The following NMRK1 variants were observed in gnomAD, a reference collection of about 807,000 sequenced individuals.
NMRK1 encodes the protein NRK 1.
Under a neutral mutation model 29.9 loss-of-function variants are expected in NMRK1, and 28 were observed. That is an observed-to-expected ratio of 0.94 (90% CI 0.69 to 1.28). The LOEUF (loss-of-function observed/expected upper bound fraction) is 1.28. NMRK1 is among the 50% of genes most tolerant of loss of function. NMRK1 has a pLI of 0.00. For synonymous variants in NMRK1, 58 were observed against 73.0 expected (o/e 0.79, Z 1.05); for missense variants, 218 against 233.1 (o/e 0.94, Z 0.42).
At chr9:75,080,222 G>C (rs1440431930) in intron 2 of NMRK1, among the ~76,000 whole-genome samples, 2 of 152,240 alleles carry the variant, frequency 1.3e-5, no homozygotes, top group Non-Finnish European at 2.9e-5. Context: ...TTAAGTAATG[G>C]AGATGGGAAA....
At chr9:75,071,731 T>C (rs1429778444) in intron 4 of NMRK1, among the ~76,000 whole-genome samples, 1 of 152,140 alleles carries the variant, frequency 6.6e-6, no homozygotes, top group Admixed American at 6.6e-5. Flanking sequence ...AGTTGGTCCA[T>C]TGTGAGAAGA....
intron 2 of NMRK1, among the ~76,000 whole-genome samples, chr9:75,080,577 A>G (rs1260989637): frequency 6.6e-6 from 1 of 152,126 alleles, no homozygotes; most frequent in Admixed American, 6.5e-5. Flanking sequence ...GCTTGAACCC[A>G]GGAGGCGGAG....
chr9:75,069,096 C>T lies in NMRK1; in HGVS notation c.396G>A (p.Arg132=). 6.2e-7 allele frequency: 1 copy of T among 1,609,392 alleles called. No individual in the cohort carries two copies. The highest frequency in any genetic ancestry group is 8.5e-7 in the Non-Finnish European group (1 of 1,176,648). ...CCGGAGAGTCTGGAGGCTGATAGACCCTTGTACTATCAAAACACGTAGGAA... is the reference window on the plus strand; with the variant it reads ...CCGGAGAGTCTGGAGGCTGATAGACTCTTGTACTATCAAAACACGTAGGAA... ...YEECKRRRST[R]VYQPPDSPGY... is the part of the protein sequence containing the mutation. Residue 132 remains arginine, a synonymous_variant, in exon 7 of 9, where the codon AGG becomes AGA. Transcript: ENST00000361092.
intron 1 of NMRK1, among the ~76,000 whole-genome samples, chr9:75,084,445 G>C (rs998791014): frequency 2.0e-5 from 3 of 152,136 alleles, no homozygotes; most frequent in Non-Finnish European, 2.9e-5. Context: ...TTAAGACTGG[G>C]GTCCACTTCC....
In NMRK1 at chr9:75,069,067, T is replaced by G; in HGVS notation, c.425A>C (p.Tyr142Ser). The G allele has an allele frequency of 6.2e-7, 1 of 1,614,156 alleles. No individual in the cohort carries two copies. Among genetic ancestry groups the G allele is most frequent in the Non-Finnish European group, 8.5e-7 (1 of 1,179,980 alleles). Residue 142 changes from tyrosine to serine, a missense_variant, in exon 7 of 9, where the codon TAC becomes TCC. Physicochemically the swap from Tyr to Ser is moderately radical, Grantham distance 144. Coordinates refer to ENST00000361092, the MANE Select transcript of NMRK1 (RefSeq NM_017881.3). ...RVYQPPDSPG[Y>S]FDGHVWPMYL... ...CATGGGCCACACATGGCCATCAAAG[T>G]ATCCCGGAGAGTCTGGAGGCTGATA...
intron 4 of NMRK1, among the ~76,000 whole-genome samples, chr9:75,075,219 T>A (rs1051612758): frequency 2.0e-5 from 3 of 152,248 alleles, no homozygotes; most frequent in Non-Finnish European, 2.9e-5. Flanking sequence ...TTAGTTTTTC[T>A]TATCAGTTTG....
Position 75,078,311 on chromosome 9 carries a change from T to A in NMRK1, c.30-731A>T, listed in dbSNP as rs537002535. 4 of 1,562,176 alleles carry A rather than the reference T, an allele frequency of 2.6e-6. No individual in the cohort carries two copies. The South Asian group carries it at 4.7e-5, about 18-fold the overall frequency. ...TGGAAAAAACAGAGGAGTGGCTTAT[T>A]ACAAGCCCACCTACCATGAAATCAC... On this transcript the variant is annotated intron_variant, in intron 2 of 8. Coordinates refer to ENST00000361092, the MANE Select transcript of NMRK1 (RefSeq NM_017881.3).
At chr9:75,084,718 A>G (rs1824517299) in intron 1 of NMRK1, among the ~76,000 whole-genome samples, 1 of 152,188 alleles carries the variant, frequency 6.6e-6, no homozygotes, top group Non-Finnish European at 1.5e-5. Context: ...TGAGCCTACA[A>G]GGTGGGGGTA....
At chr9:75,077,449 T>C in intron 3 of NMRK1, 41 bp downstream of exon 3, 1 of 1,342,360 alleles carries the variant, frequency 7.4e-7, no homozygotes, top group African/African-American at 1.5e-5. Context: ...TGGTTAAACA[T>C]TTTTGTATTA....
At chr9:75,064,064 C>T (rs982975793) in intron 8 of NMRK1, among the ~76,000 whole-genome samples, 1 of 151,978 alleles carries the variant, frequency 6.6e-6, no homozygotes, top group African/African-American at 2.4e-5. Context: ...AGGGGCGTCA[C>T]AACACAGGGA....
chr9:75,074,358 T>C (rs1179328290), intron 4 of NMRK1, among the ~76,000 whole-genome samples: 2 of 152,066 alleles, frequency 1.3e-5, no homozygotes, highest in Non-Finnish European at 2.9e-5. Context: ...ATCATCTTAC[T>C]ATTATTTTCT....
chr9:75,067,811 C>T (rs1225708623), intron 7 of NMRK1, among the ~76,000 whole-genome samples: 2 of 152,208 alleles, frequency 1.3e-5, no homozygotes, highest in East Asian at 1.9e-4. Flanking sequence ...TTCCACATGG[C>T]TCTGACATAG....
intron 8 of NMRK1, among the ~76,000 whole-genome samples, chr9:75,062,731 T>C (rs994109120): frequency 2.0e-5 from 3 of 152,194 alleles, no homozygotes; most frequent in African/African-American, 7.2e-5. Context: ...CCTTTTGCTT[T>C]CTATTAAACA....
At position 75,061,503 on chromosome 9, in the gene NMRK1, G is replaced by T. The variant is rs192062728; in HGVS notation, c.*45C>A. 2.0e-6 allele frequency: 3 copies of T among 1,521,406 alleles called. No individual in the cohort carries two copies. The highest frequency in any genetic ancestry group is 2.7e-6 in the Non-Finnish European group (3 of 1,101,398). The allele number at this position is 1,521,406 out of a possible 1,614,324, so 94.2% of individuals were successfully genotyped here. A position where few individuals can be genotyped will look rare whatever the true frequency, so the allele number is the denominator to read the frequency against. ...GGTGAAGGTTCTTAAATTACTCCTTGGAGTTTCCTAATTCACTTCAGGAAG... is the reference window on the plus strand; with the variant it reads ...GGTGAAGGTTCTTAAATTACTCCTTTGAGTTTCCTAATTCACTTCAGGAAG... On this transcript the variant is annotated 3_prime_UTR_variant, in exon 9 of 9. Coordinates refer to ENST00000361092, the MANE Select transcript of NMRK1 (RefSeq NM_017881.3).
At chr9:75,085,627 T>C (rs1484873329) in intron 1 of NMRK1, among the ~76,000 whole-genome samples, 1 of 150,664 alleles carries the variant, frequency 6.6e-6, no homozygotes, top group East Asian at 2.0e-4. Flanking sequence ...GGTTGTGGCA[T>C]GGGAAATAGG....
At chr9:75,066,347 T>C in intron 8 of NMRK1, 1 of 479,794 alleles carries the variant, frequency 2.1e-6, no homozygotes, top group South Asian at 1.5e-5. Context: ...TGTTTATCTT[T>C]GAGGTATTTG....
intron 4 of NMRK1, among the ~76,000 whole-genome samples, chr9:75,075,908 C>T (rs1397933018): frequency 1.3e-5 from 2 of 152,134 alleles, no homozygotes; most frequent in Non-Finnish European, 2.9e-5. Flanking sequence ...GGACAGCAAG[C>T]CTAACTTGCT....
Position 75,077,211 on chromosome 9 carries a change from G to C in NMRK1, c.121-4C>G. 1 of 1,588,216 alleles carries C rather than the reference G, an allele frequency of 6.3e-7. No individual in the cohort carries two copies. Among genetic ancestry groups the C allele is most frequent in the Non-Finnish European group, 8.6e-7 (1 of 1,160,702 alleles). Reference sequence around the variant, plus strand: ...CTGTCTCTATCTCAGACTCTGGCTGGAAAAATAATAAAGTACCCATCAAAA... The same window carrying C: ...CTGTCTCTATCTCAGACTCTGGCTGCAAAAATAATAAAGTACCCATCAAAA... On this transcript the variant is annotated splice_polypyrimidine_tract_variant and splice_region_variant and intron_variant, in intron 3 of 8. Transcript: ENST00000361092.
intron 4 of NMRK1, among the ~76,000 whole-genome samples, chr9:75,076,181 C>T (rs1823977734): frequency 6.6e-6 from 1 of 152,172 alleles, no homozygotes; most frequent in African/African-American, 2.4e-5. Context: ...AACCTAAATA[C>T]CCATCGATGA....
Sources: allele counts gnomAD v4.1 joint callset (sites outside exome capture counted in the v4.1 genomes callset), GRCh38; gene constraint gnomAD v4.1.1; transcripts MANE v1.5; gene names NCBI Gene and HGNC (gene_info 2026-07-23, HGNC 2026-07-21).